Variants in STK32B observed in about 807,000 individuals in gnomAD.
The protein encoded by STK32B is serine/threonine-protein kinase 32B.
A neutral mutation model predicts 52.6 loss-of-function variants in STK32B; 43 were observed. The observed-to-expected ratio is 0.82, with a 90% confidence interval of 0.64 to 1.05. The LOEUF (loss-of-function observed/expected upper bound fraction) is 1.05, where lower values mean the gene tolerates loss of function less well. Ranked by LOEUF, STK32B falls within the 50% of genes least tolerant of loss-of-function variation. The pLI is 0.00. For synonymous variants in STK32B, 238 were observed against 204.3 expected, an observed-to-expected ratio of 1.17 and a Z score of -1.41; for missense variants, 621 against 534.6, an observed-to-expected ratio of 1.16 and a Z score of -1.59.
chr4:5,023,739 G>C, the STK32B span, among the ~76,000 whole-genome samples: 1 of 152,074 alleles, frequency 6.6e-6, no homozygotes, highest in African/African-American at 2.4e-5. Flanking sequence ...ACGCCTCTCT[G>C]TCTAGAGCCC....
chr4:5,316,157 A>G (rs1577332491), intron 3 of STK32B, among the ~76,000 whole-genome samples: 1 of 88,446 alleles, frequency 1.1e-5, no homozygotes, highest in East Asian at 2.6e-4. Context: ...AACTAAATAT[A>G]TATAACTAAA....
Position 5,394,894 on chromosome 4 carries a change from A to AT in STK32B, c.435-3309dup, listed in dbSNP as rs142113408. Among the ~76,000 whole-genome samples the AT allele has an allele frequency of 3.8e-3, 578 of 152,300 alleles. 7 individuals carry two copies. The highest frequency in any genetic ancestry group is 0.014 in the African/African-American group (563 of 41,564). ...TAACAACTTAAAATAACTCACATTTATTTTCCCTCCATTTCCGTGGCCCAG... is the reference window on the plus strand; with the variant it reads ...TAACAACTTAAAATAACTCACATTTATTTTTCCCTCCATTTCCGTGGCCCAG... On this transcript the variant is annotated intron_variant, in intron 4 of 11. Coordinates refer to ENST00000282908, the MANE Select transcript of STK32B (RefSeq NM_018401.3). The surrounding 1 kb of genome is among the most constrained non-coding windows in gnomAD (Gnocchi z 4.2).
At chr4:5,481,201 A>G (rs1167711485) in intron 11 of STK32B, among the ~76,000 whole-genome samples, 2 of 152,224 alleles carry the variant, frequency 1.3e-5, no homozygotes, top group Admixed American at 6.5e-5. Context: ...TGCCACCAAC[A>G]GTGTAAAAGT....
At chr4:5,219,276 C>G (rs1456750276) in intron 3 of STK32B, among the ~76,000 whole-genome samples, 1 of 152,222 alleles carries the variant, frequency 6.6e-6, no homozygotes, top group Non-Finnish European at 1.5e-5. Context: ...CAGGCCCCCT[C>G]ATGGGAAAGG....
At chr4:5,134,685 C>A (rs1337311450) in intron 1 of STK32B, among the ~76,000 whole-genome samples, 1 of 152,226 alleles carries the variant, frequency 6.6e-6, no homozygotes, top group Non-Finnish European at 1.5e-5. Flanking sequence ...ACTAAACACA[C>A]GCATGACCCA....
rs34791116 is a variant in STK32B at position 5,453,224 on chromosome 4, GGAGAGAGA to G, written c.667-3569_667-3562del. Reference sequence around the variant, plus strand: ...AAGGAGAGAGAATTACAGAGATTAGGGAGAGAGAGAGAGAGAGAGAGTAGCTCATGTGG... The same window carrying G: ...AAGGAGAGAGAATTACAGAGATTAGGGAGAGAGAGAGAGTAGCTCATGTGG... On this transcript the variant is annotated intron_variant, in intron 7 of 11. Coordinates refer to ENST00000282908, the MANE Select transcript of STK32B (RefSeq NM_018401.3). This position sits in a 1 kb window ranked among gnomAD's most constrained non-coding sequence, Gnocchi z 4.0. 6.6e-6 allele frequency among the ~76,000 whole-genome samples: 1 copy of G among 150,520 alleles called. No homozygotes were observed. The highest frequency in any genetic ancestry group is 2.4e-5 in the African/African-American group (1 of 40,894).
chr4:5,470,660 C>A lies in STK32B; in HGVS notation c.1106+2590C>A, dbSNP rs551358698. Among the ~76,000 whole-genome samples the A allele has an allele frequency of 4.4e-5, 6 of 135,612 alleles. No individual in the cohort carries two copies. The East Asian group carries it at 2.9e-3, about 64-fold the overall frequency. 89.0% of individuals were successfully genotyped at this position (135,612 alleles called of 152,430 possible). A position where few individuals can be genotyped will look rare whatever the true frequency, so the allele number is the denominator to read the frequency against. On this transcript the variant is annotated intron_variant, in intron 11 of 11. Coordinates refer to ENST00000282908, the MANE Select transcript of STK32B (RefSeq NM_018401.3). This position sits in a 1 kb window ranked among gnomAD's most constrained non-coding sequence, Gnocchi z 4.6. ...CATCTTGTGGGAAGAGAGCCATGCT[C>A]CATCTACCCACAGTCCTCCCTTGCT...
intron 9 of STK32B, among the ~76,000 whole-genome samples, chr4:5,461,160 C>T (rs1166343974): frequency 6.6e-6 from 1 of 152,156 alleles, no homozygotes; most frequent in East Asian, 1.9e-4. Flanking sequence ...CCAGTTCAGC[C>T]ACCTCTGCCA....
chr4:5,428,376 C>G (rs12498863), intron 6 of STK32B, among the ~76,000 whole-genome samples: 3,110 of 152,168 alleles, frequency 0.02, 46 homozygotes, highest in South Asian at 0.087. Context: ...CCACTGCACT[C>G]TAGCCTGGGC....
intron 4 of STK32B, among the ~76,000 whole-genome samples, chr4:5,360,321 T>A (rs755781522): frequency 6.6e-5 from 10 of 152,072 alleles, no homozygotes; most frequent in Admixed American, 6.6e-5. Context: ...CATGCCAGCC[T>A]TCAAAGTACT....
rs143274945 is a variant in STK32B, at chr4:5,357,958, G to A, written c.434+26565G>A. Among the ~76,000 whole-genome samples, 115 of 151,710 alleles carry A rather than the reference G, an allele frequency of 7.6e-4. 1 individual carries two copies. The highest frequency in any genetic ancestry group is 2.6e-3 in the African/African-American group (106 of 41,384). On this transcript the variant is annotated intron_variant, in intron 4 of 11. Transcript: ENST00000282908. ...ATCAACTAGAAAGAAGTATTCAGAC[G>A]AAAAAAAATGGAAGACATGCAGATG...
At chr4:5,216,734 C>G (rs947046434) in intron 3 of STK32B, among the ~76,000 whole-genome samples, 1 of 152,146 alleles carries the variant, frequency 6.6e-6, no homozygotes. Context: ...GCCTTCTGAG[C>G]TAGCTTAAGA....
chr4:5,144,231 C>T (rs1021527035), intron 2 of STK32B, among the ~76,000 whole-genome samples: 1 of 152,146 alleles, frequency 6.6e-6, no homozygotes, highest in Non-Finnish European at 1.5e-5. Context: ...GCCATTCATG[C>T]ATGCACTTTG....
At chr4:5,316,855 T>TA (rs1730898490) in intron 3 of STK32B, among the ~76,000 whole-genome samples, 1 of 4,956 alleles carries the variant, frequency 2.0e-4, no homozygotes, top group African/African-American at 2.5e-3. Context: ...TAATATATTA[T>TA]ATATATTATA....
At chr4:5,464,290 A>G (rs1481980818) in intron 9 of STK32B, among the ~76,000 whole-genome samples, 1 of 152,204 alleles carries the variant, frequency 6.6e-6, no homozygotes, top group Non-Finnish European at 1.5e-5. Flanking sequence ...CAGGCAAGTT[A>G]TGTCACCTTC....
chr4:5,061,484 A>G (rs1210163569), intron 1 of STK32B, among the ~76,000 whole-genome samples: 2 of 152,212 alleles, frequency 1.3e-5, no homozygotes, highest in Non-Finnish European at 2.9e-5. Context: ...TTGTTTCATT[A>G]TAAGCATGTT....
At chr4:5,251,871 A>T (rs1725957886) in intron 3 of STK32B, among the ~76,000 whole-genome samples, 1 of 152,168 alleles carries the variant, frequency 6.6e-6, no homozygotes, top group Non-Finnish European at 1.5e-5. Context: ...GTCAAACTGC[A>T]TCTGGGCACT....
At position 5,460,101 on chromosome 4, in the gene STK32B, A is replaced by G. The variant is rs757212134; in HGVS notation, c.784-2A>G. 2 of 1,614,216 alleles carry G rather than the reference A, an allele frequency of 1.2e-6. No individual in the cohort carries two copies. The highest frequency in any genetic ancestry group is 1.7e-6 in the Non-Finnish European group (2 of 1,180,026). The stretch of plus-strand genomic sequence containing the variant: ...GGAAACTCATTTGCCCTCTAACTGC[A>G]GCTCCTGACCAAGGATCCTGAGAGC... On this transcript the variant is annotated splice_acceptor_variant, in intron 8 of 11. Coordinates refer to ENST00000282908, the MANE Select transcript of STK32B (RefSeq NM_018401.3). LOFTEE classifies it high-confidence loss of function. This position sits in a 1 kb window ranked among gnomAD's most constrained non-coding sequence, Gnocchi z 4.8.
Position 5,460,249 on chromosome 4 carries a change from A to G in STK32B, c.909+21A>G. ...CCAATGTGAGTGGAAGTCCCACCTG[A>G]TGTCATGCCACCCCTCTGCAGGGTC... is the stretch of plus-strand genomic sequence containing the variant. On this transcript the variant is annotated intron_variant, in intron 9 of 11. Transcript: ENST00000282908. The surrounding 1 kb of genome is among the most constrained non-coding windows in gnomAD (Gnocchi z 4.8). 6.3e-7 allele frequency: 1 copy of G among 1,599,616 alleles called. No homozygotes were observed. Among genetic ancestry groups the G allele is most frequent in the Non-Finnish European group, 8.5e-7 (1 of 1,172,632 alleles).
Sources: allele counts gnomAD v4.1 joint callset (sites outside exome capture counted in the v4.1 genomes callset), GRCh38; gene constraint gnomAD v4.1.1; non-coding constraint Gnocchi (gnomAD v3.1); transcripts MANE v1.5; gene names NCBI Gene and HGNC (gene_info 2026-07-23, HGNC 2026-07-21).